The following STPG2 variants were observed in gnomAD, a reference collection of about 807,000 sequenced individuals.
The protein encoded by STPG2 is sperm-tail PG-rich repeat-containing protein 2.
STPG2 carries 56 observed loss-of-function variants against 54.2 expected under a neutral mutation model. The ratio of observed to expected loss-of-function variants is 1.03; its 90% confidence interval spans 0.83 to 1.29. The LOEUF (loss-of-function observed/expected upper bound fraction) is 1.29, where lower values mean the gene tolerates loss of function less well. Ranked by LOEUF, STPG2 falls within the 50% of genes most tolerant of loss-of-function variation. The pLI is 0.00. For missense variants in STPG2, 596 were observed against 544.9 expected (o/e 1.09, Z -0.93); for synonymous variants, 200 against 181.8 (o/e 1.10, Z -0.81).
intron 10 of STPG2, among the ~76,000 whole-genome samples, chr4:97,612,973 AT>A (rs945994455): frequency 3.2e-4 from 48 of 150,104 alleles, no homozygotes; most frequent in African/African-American, 1.1e-3. Context: ...ATAAACATTT[AT>A]TTTTTAATAA....
At chr4:97,915,764 G>A (rs1399535493) in intron 8 of STPG2, among the ~76,000 whole-genome samples, 2 of 152,106 alleles carry the variant, frequency 1.3e-5, no homozygotes, top group Non-Finnish European at 2.9e-5. Context: ...GAAAAATCAT[G>A]GTCATAATGA....
At chr4:98,010,780 G>A (rs1735721613) in intron 5 of STPG2, among the ~76,000 whole-genome samples, 1 of 151,838 alleles carries the variant, frequency 6.6e-6, no homozygotes, top group Non-Finnish European at 1.5e-5. Flanking sequence ...GAATCCTTTT[G>A]CTTTATATTG....
chr4:97,525,501 C>A (rs1168111995), intron 4 of STPG2, among the ~76,000 whole-genome samples: 2 of 151,898 alleles, frequency 1.3e-5, no homozygotes, highest in Non-Finnish European at 2.9e-5. Flanking sequence ...TTCAAAAAAA[C>A]CCCAAAAGAA....
At chr4:98,033,975 A>G (rs180928588) in intron 5 of STPG2, among the ~76,000 whole-genome samples, 6 of 152,294 alleles carry the variant, frequency 3.9e-5, no homozygotes, top group African/African-American at 1.4e-4. Flanking sequence ...GCTATTTATG[A>G]CAAACCCACA....
chr4:97,484,429 A>G (rs1730303522), intron 4 of STPG2, among the ~76,000 whole-genome samples: 1 of 151,740 alleles, frequency 6.6e-6, no homozygotes, highest in Non-Finnish European at 1.5e-5. Context: ...GGCTACTATG[A>G]AAACTTTTAC....
In STPG2 at chr4:97,443,133, A is replaced by G. The variant is rs528373788; in HGVS notation, c.463-255300T>C. On this transcript the variant is annotated intron_variant, in intron 4 of 4. Transcript: ENST00000522676. ...AGACAACCAAGTTTTGAAGGGCCAG[A>G]AATTTGGTGAGAATAGTGAGGCAGG... 1.2e-3 allele frequency among the ~76,000 whole-genome samples: 186 copies of G among 152,268 alleles called. 1 individual carries two copies. In the South Asian group the frequency reaches 0.016, roughly 13 times the overall value.
chr4:97,899,727 A>G (rs1352907678), intron 8 of STPG2, among the ~76,000 whole-genome samples: 3 of 151,876 alleles, frequency 2.0e-5, no homozygotes, highest in Non-Finnish European at 4.4e-5. Flanking sequence ...GGGGAAAATA[A>G]TCCCTATTCA....
At chr4:97,833,349 A>C (rs903495112) in intron 9 of STPG2, among the ~76,000 whole-genome samples, 7 of 152,228 alleles carry the variant, frequency 4.6e-5, no homozygotes, top group African/African-American at 1.7e-4. Context: ...TTAAACAAAA[A>C]TTAACTCAAG....
intron 5 of STPG2, among the ~76,000 whole-genome samples, chr4:98,014,878 T>C (rs1735884992): frequency 1.3e-5 from 2 of 152,180 alleles, no homozygotes; most frequent in South Asian, 4.1e-4. Context: ...TTGGAAGGTA[T>C]AATATTCTTC....
chr4:97,810,682 T>C (rs1578584856), intron 9 of STPG2, among the ~76,000 whole-genome samples: 3 of 152,088 alleles, frequency 2.0e-5, no homozygotes, highest in African/African-American at 7.2e-5. Flanking sequence ...TAATGAATTC[T>C]AAATAAAGTG....
At chr4:97,700,928 CA>C (rs1466741673) in intron 10 of STPG2, among the ~76,000 whole-genome samples, 1 of 152,184 alleles carries the variant, frequency 6.6e-6, no homozygotes, top group Non-Finnish European at 1.5e-5. Flanking sequence ...AAATTGGAGT[CA>C]CCACTTGATT....
At chr4:97,866,012 T>A (rs1385893316) in intron 8 of STPG2, among the ~76,000 whole-genome samples, 4 of 151,958 alleles carry the variant, frequency 2.6e-5, no homozygotes, top group Non-Finnish European at 5.9e-5. Context: ...ATATTGCATG[T>A]TCTCCCTTAT....
intron 9 of STPG2, among the ~76,000 whole-genome samples, chr4:97,770,245 T>C (rs1726178209): frequency 2.0e-5 from 3 of 151,984 alleles, no homozygotes; most frequent in African/African-American, 7.2e-5. Flanking sequence ...ATGAAAAAAG[T>C]ACCACAGATA....
rs560925183 is a variant in STPG2, at chr4:97,563,842, G to A, written c.1321-4725C>T. On this transcript the variant is annotated intron_variant, in intron 10 of 10. Coordinates refer to ENST00000295268, the MANE Select transcript of STPG2 (RefSeq NM_174952.3). ...TTTCTGATCTTTTACATTTGCTGAGGAGAGCTTTACTTCTAATGATGTGGT... is the reference window on the plus strand; with the variant it reads ...TTTCTGATCTTTTACATTTGCTGAGAAGAGCTTTACTTCTAATGATGTGGT... 4.6e-5 allele frequency among the ~76,000 whole-genome samples: 7 copies of A among 152,266 alleles called. No homozygotes were observed. The South Asian group carries it at 1.2e-3, about 27-fold the overall frequency.
intron 8 of STPG2, among the ~76,000 whole-genome samples, chr4:97,847,614 C>A (rs1290001936): frequency 1.3e-5 from 2 of 152,090 alleles, no homozygotes; most frequent in African/African-American, 4.8e-5. Flanking sequence ...ACAGACTTAA[C>A]CTAATTCCTG....
At position 97,712,825 on chromosome 4, in the gene STPG2, A is replaced by G; in HGVS notation, c.1205-11T>C. 6.5e-7 allele frequency: 1 copy of G among 1,528,718 alleles called. No homozygotes were observed. Among genetic ancestry groups the G allele is most frequent in the Non-Finnish European group, 8.9e-7 (1 of 1,124,952 alleles). The allele number at this position is 1,528,718 out of a possible 1,614,324, so 94.7% of individuals were successfully genotyped here. The stretch of plus-strand genomic sequence containing the variant: ...TGTATGCTGCAGGACCTGAGAGACA[A>G]CAAATGTAAAAATTATGATAAAGTA... On this transcript the variant is annotated splice_polypyrimidine_tract_variant and intron_variant, in intron 9 of 10. Transcript: ENST00000295268.
intron 9 of STPG2, among the ~76,000 whole-genome samples, chr4:97,807,460 C>T (rs1044727047): frequency 6.6e-6 from 1 of 151,762 alleles, no homozygotes; most frequent in Admixed American, 6.6e-5. Flanking sequence ...GAACAGACTG[C>T]CCCAAAATGT....
At position 97,806,052 on chromosome 4, in the gene STPG2, G is replaced by T. The variant is rs557442963; in HGVS notation, c.1204+34721C>A. Reference sequence around the variant, plus strand: ...GTTCTACCGAAAAGATACATGCACTGGTATGTTCAACGCAGTGCTATTCAC... The same window carrying T: ...GTTCTACCGAAAAGATACATGCACTTGTATGTTCAACGCAGTGCTATTCAC... On this transcript the variant is annotated intron_variant, in intron 9 of 10. Coordinates refer to ENST00000295268, the MANE Select transcript of STPG2 (RefSeq NM_174952.3). Among the ~76,000 whole-genome samples the T allele has an allele frequency of 5.9e-5, 9 of 152,168 alleles. No homozygotes were observed. In the South Asian group the frequency reaches 1.7e-3, roughly 28 times the overall value.
chr4:98,044,975 G>C (rs1560652669), intron 5 of STPG2, among the ~76,000 whole-genome samples: 4 of 152,022 alleles, frequency 2.6e-5, no homozygotes, highest in Admixed American at 2.6e-4. Flanking sequence ...CTCACCATGA[G>C]ACAGGAAAGC....
Sources: gnomAD v4.1 joint callset for allele counts (sites outside exome capture counted in the v4.1 genomes callset) on GRCh38, gnomAD v4.1.1 for gene constraint, MANE v1.5 for transcripts, NCBI Gene and HGNC (gene_info 2026-07-23, HGNC 2026-07-21) for gene names.